The following JARID2 variants were observed in gnomAD, a reference collection of about 807,000 sequenced individuals.
JARID2 encodes the protein protein Jumonji.
In JARID2, 21 loss-of-function variants were observed where a neutral mutation model predicts 125.6. The ratio of observed to expected loss-of-function variants is 0.17; its 90% confidence interval spans 0.12 to 0.24. The LOEUF is 0.24. JARID2 is among the 10% of genes least tolerant of loss of function. The pLI, the probability that JARID2 is intolerant of heterozygous loss-of-function variation, is 1.00. For synonymous variants in JARID2, 736 were observed against 661.6 expected (o/e 1.11, Z -1.73); for missense variants, 1,303 against 1,639.6 (o/e 0.79, Z 3.55).
intron 1 of JARID2, among the ~76,000 whole-genome samples, chr6:15,340,940 G>T (rs1247364165): frequency 6.6e-6 from 1 of 152,034 alleles, no homozygotes; most frequent in African/African-American, 2.4e-5. Context: ...ATTTAAACCT[G>T]GTCAAAGACC....
chr6:15,492,327 G>C (rs1167844040), intron 6 of JARID2, among the ~76,000 whole-genome samples: 1 of 152,252 alleles, frequency 6.6e-6, no homozygotes, highest in Non-Finnish European at 1.5e-5. Flanking sequence ...ATTCTTCAGT[G>C]AGTTCAGATG....
intron 1 of JARID2, among the ~76,000 whole-genome samples, chr6:15,304,724 C>G (rs1761759573): frequency 6.6e-6 from 1 of 152,168 alleles, no homozygotes; most frequent in South Asian, 2.1e-4. Flanking sequence ...GCCCTGCATC[C>G]AGAGAGAATG....
At chr6:15,517,794 C>T (rs942196298) in intron 17 of JARID2, among the ~76,000 whole-genome samples, 3 of 152,206 alleles carry the variant, frequency 2.0e-5, no homozygotes, top group Admixed American at 6.5e-5. Flanking sequence ...AGCTGGGGGC[C>T]GCTCTGAGTG....
At chr6:15,259,355 T>A (rs1011393318) in intron 1 of JARID2, among the ~76,000 whole-genome samples, 2 of 152,212 alleles carry the variant, frequency 1.3e-5, no homozygotes, top group African/African-American at 4.8e-5. Context: ...ATGAAAGAGC[T>A]GATGTGAATA....
intron 5 of JARID2, among the ~76,000 whole-genome samples, chr6:15,469,324 CT>C (rs1768922105): frequency 2.9e-5 from 3 of 102,276 alleles, no homozygotes; most frequent in African/African-American, 1.2e-4. Flanking sequence ...CTCTGTCTCT[CT>C]CTCTCTCTCT....
At chr6:15,433,410 C>CTCTCTGTGTGTG (rs1241800597) in intron 3 of JARID2, among the ~76,000 whole-genome samples, 2 of 143,524 alleles carry the variant, frequency 1.4e-5, no homozygotes, top group South Asian at 2.3e-4. Context: ...CCATGTCTCT[C>CTCTCTGTGTGTG]TGTGTGTGTG....
Position 15,364,494 on chromosome 6 carries a change from A to G in JARID2, c.46-9623A>G, listed in dbSNP as rs372595180. On this transcript the variant is annotated intron_variant, in intron 1 of 17. Transcript: ENST00000341776. Reference sequence around the variant, plus strand: ...CTTCATCTTCAGGATGTTTCCTGCAAGAGGGGTTTCCTGCAAAACCCCTAG... The same window carrying G: ...CTTCATCTTCAGGATGTTTCCTGCAGGAGGGGTTTCCTGCAAAACCCCTAG... Among the ~76,000 whole-genome samples the G allele has an allele frequency of 2.6e-5, 4 of 152,340 alleles. 1 individual carries two copies. Among genetic ancestry groups the G allele is most frequent in the South Asian group, 2.1e-4 (1 of 4,828 alleles).
intron 1 of JARID2, among the ~76,000 whole-genome samples, chr6:15,349,741 AAGAC>A (rs2127479760): frequency 6.6e-6 from 1 of 152,244 alleles, no homozygotes; most frequent in East Asian, 1.9e-4. Context: ...ATTCTATCAA[AAGAC>A]AGAAGGAAAG....
At chr6:15,385,228 A>C (rs911930505) in intron 2 of JARID2, among the ~76,000 whole-genome samples, 14 of 152,094 alleles carry the variant, frequency 9.2e-5, no homozygotes, top group African/African-American at 2.9e-4. Flanking sequence ...GCTCTAGCTG[A>C]TCCTTCTATT....
intron 1 of JARID2, among the ~76,000 whole-genome samples, chr6:15,276,679 AGATACTG>A: frequency 6.6e-6 from 1 of 152,140 alleles, no homozygotes; most frequent in Admixed American, 6.5e-5. Flanking sequence ...ATTAGGTCAG[AGATACTG>A]GACTCCTTTT....
chr6:15,426,191 T>C (rs1188289399), intron 3 of JARID2, among the ~76,000 whole-genome samples: 1 of 152,170 alleles, frequency 6.6e-6, no homozygotes, highest in Non-Finnish European at 1.5e-5. Flanking sequence ...TTCGAGATTG[T>C]GACTCTTAAT....
intron 1 of JARID2, among the ~76,000 whole-genome samples, chr6:15,301,877 T>C (rs1024324579): frequency 1.3e-5 from 2 of 152,176 alleles, no homozygotes; most frequent in African/African-American, 4.8e-5. Context: ...ACTACTTTTC[T>C]GGAGCAGTAA....
At chr6:15,477,265 CCT>C (rs991159753) in intron 5 of JARID2, among the ~76,000 whole-genome samples, 1 of 151,780 alleles carries the variant, frequency 6.6e-6, no homozygotes, top group Non-Finnish European at 1.5e-5. Flanking sequence ...GGCATTGAGC[CCT>C]CTCTTTGTCT....
intron 2 of JARID2, among the ~76,000 whole-genome samples, chr6:15,397,302 TATC>T (rs1333379003): frequency 6.6e-6 from 1 of 152,202 alleles, no homozygotes; most frequent in Non-Finnish European, 1.5e-5. Context: ...AACACAGAAA[TATC>T]ATTACAAATA....
intron 1 of JARID2, among the ~76,000 whole-genome samples, chr6:15,340,120 C>T (rs1763019265): frequency 6.6e-6 from 1 of 152,086 alleles, no homozygotes; most frequent in African/African-American, 2.4e-5. Context: ...CCACCATGCC[C>T]GACTGACATT....
intron 1 of JARID2, among the ~76,000 whole-genome samples, chr6:15,251,460 C>T (rs1759450499): frequency 6.6e-6 from 1 of 152,220 alleles, no homozygotes; most frequent in African/African-American, 2.4e-5. Context: ...ACAGTAGTAG[C>T]AGCTCTACTA....
chr6:15,384,556 A>G (rs949877150), intron 2 of JARID2, among the ~76,000 whole-genome samples: 42 of 151,440 alleles, frequency 2.8e-4, no homozygotes, highest in African/African-American at 9.9e-4. Flanking sequence ...CTTTTTTCAG[A>G]TTTTTGCATT....
intron 5 of JARID2, among the ~76,000 whole-genome samples, chr6:15,470,350 A>G (rs1769015930): frequency 6.6e-6 from 1 of 152,194 alleles, no homozygotes; most frequent in African/African-American, 2.4e-5. Context: ...GCGGAAAATC[A>G]GTGCTGTCTG....
chr6:15,411,754 G>C (rs1480216433), intron 3 of JARID2, among the ~76,000 whole-genome samples: 1 of 152,172 alleles, frequency 6.6e-6, no homozygotes, highest in Non-Finnish European at 1.5e-5. Context: ...GCATGCATCT[G>C]GCATCAACTT....
Sources: gnomAD v4.1 joint callset for allele counts (sites outside exome capture counted in the v4.1 genomes callset) on GRCh38, gnomAD v4.1.1 for gene constraint, MANE v1.5 for transcripts, NCBI Gene and HGNC (gene_info 2026-07-23, HGNC 2026-07-21) for gene names.